The following PAX5 variants were observed in gnomAD, a reference collection of about 807,000 sequenced individuals.
PAX5 encodes paired box protein Pax-5.
PAX5 carries 9 observed loss-of-function variants against 43.7 expected under a neutral mutation model. That is an observed-to-expected ratio of 0.21 (90% CI 0.12 to 0.36). PAX5 has a LOEUF of 0.36. Ranked by LOEUF, PAX5 falls within the 10% of genes least tolerant of loss-of-function variation. PAX5 has a pLI of 1.00. For missense variants in PAX5, 383 were observed against 532.7 expected (o/e 0.72, Z 2.77); for synonymous variants, 228 against 214.3 (o/e 1.06, Z -0.56).
At chr9:36,861,691 G>A (rs949069481) in intron 8 of PAX5, among the ~76,000 whole-genome samples, 3 of 151,884 alleles carry the variant, frequency 2.0e-5, no homozygotes, top group African/African-American at 7.3e-5. Flanking sequence ...GTGTGGCTAG[G>A]ACAGCCAGGA....
At chr9:36,920,803 CTTTTTTT>C (rs58220286) in intron 7 of PAX5, among the ~76,000 whole-genome samples, 2 of 91,226 alleles carry the variant, frequency 2.2e-5, no homozygotes, top group Non-Finnish European at 2.2e-5. Flanking sequence ...ATAGACATAG[CTTTTTTT>C]TTTTTTTTTT....
At chr9:36,993,776 G>A (rs961365597) in intron 5 of PAX5, among the ~76,000 whole-genome samples, 4 of 152,136 alleles carry the variant, frequency 2.6e-5, no homozygotes, top group Non-Finnish European at 4.4e-5. Context: ...CACAGCAGAT[G>A]AGACTATATC....
intron 6 of PAX5, among the ~76,000 whole-genome samples, chr9:36,935,211 T>G (rs926282709): frequency 1.3e-5 from 2 of 152,128 alleles, no homozygotes; most frequent in Non-Finnish European, 2.9e-5. Context: ...GAGAAACCTG[T>G]GTCTACTAAA....
chr9:36,973,330 G>C (rs1835135946), intron 5 of PAX5, among the ~76,000 whole-genome samples: 1 of 152,124 alleles, frequency 6.6e-6, no homozygotes, highest in East Asian at 1.9e-4. Flanking sequence ...TGCATGCCTA[G>C]ACTTGCCTCC....
chr9:37,018,146 GTT>G (rs1440851714), intron 2 of PAX5, among the ~76,000 whole-genome samples: 1 of 152,098 alleles, frequency 6.6e-6, no homozygotes, highest in Non-Finnish European at 1.5e-5. Flanking sequence ...TTGTGGGGCT[GTT>G]TTGAAGACAG....
chr9:36,839,625 G>A lies in PAX5; in HGVS notation c.*935C>T, dbSNP rs1821887717. The A allele has an allele frequency of 1.3e-5, 3 of 233,254 alleles. No individual in the cohort carries two copies. Among genetic ancestry groups the A allele is most frequent in the Admixed American group, 5.6e-5 (1 of 17,790 alleles). 14.4% of individuals were successfully genotyped at this position (233,254 alleles called of 1,614,324 possible). ...ACCTGGGCATGCCTCAGAAAACACC[G>A]TTCCAGGGGCTGAGGGAGTAGGGAG... On this transcript the variant is annotated 3_prime_UTR_variant, in exon 10 of 10. Coordinates refer to ENST00000358127, the MANE Select transcript of PAX5 (RefSeq NM_016734.3).
intron 1 of PAX5, among the ~76,000 whole-genome samples, chr9:37,025,004 T>C (rs1372422467): frequency 1.2e-4 from 18 of 152,142 alleles, no homozygotes; most frequent in Admixed American, 2.6e-4. Flanking sequence ...AACTGGTTTG[T>C]TTTGGGCTTA....
At chr9:36,979,466 A>T (rs1564033250) in intron 5 of PAX5, among the ~76,000 whole-genome samples, 1 of 152,336 alleles carries the variant, frequency 6.6e-6, no homozygotes, top group East Asian at 1.9e-4. Flanking sequence ...ATGCCTAGAC[A>T]TCTGAAAAGG....
At chr9:36,843,503 C>T (rs1349228463) in intron 9 of PAX5, among the ~76,000 whole-genome samples, 16 of 152,254 alleles carry the variant, frequency 1.1e-4, no homozygotes, top group Admixed American at 9.2e-4. Context: ...CCTCAATTTA[C>T]ATCCGAGGCA....
intron 5 of PAX5, among the ~76,000 whole-genome samples, chr9:36,993,961 G>A (rs935010671): frequency 7.9e-5 from 12 of 152,160 alleles, no homozygotes; most frequent in African/African-American, 2.2e-4. Flanking sequence ...GAGGGGCTGG[G>A]GCAAACCAGG....
At chr9:36,942,916 C>T (rs948952327) in intron 6 of PAX5, among the ~76,000 whole-genome samples, 2 of 152,192 alleles carry the variant, frequency 1.3e-5, no homozygotes, top group Non-Finnish European at 2.9e-5. Context: ...ACTGCTGACG[C>T]TACCCTACAA....
At chr9:37,021,579 G>A (rs1027171437) in intron 1 of PAX5, among the ~76,000 whole-genome samples, 1 of 152,088 alleles carries the variant, frequency 6.6e-6, no homozygotes, top group Non-Finnish European at 1.5e-5. Flanking sequence ...TTTGGTCCAG[G>A]GAAAATAAAG....
At chr9:37,000,398 G>T (rs1348584552) in intron 5 of PAX5, among the ~76,000 whole-genome samples, 2 of 152,068 alleles carry the variant, frequency 1.3e-5, no homozygotes, top group South Asian at 2.1e-4. Context: ...TGACTGGACT[G>T]CCCCCTAAGT....
intron 8 of PAX5, among the ~76,000 whole-genome samples, chr9:36,851,866 C>T (rs1392174168): frequency 6.6e-6 from 1 of 152,194 alleles, no homozygotes; most frequent in African/African-American, 2.4e-5. Flanking sequence ...CTAGGCCATG[C>T]TCCAGGCCAC....
intron 6 of PAX5, among the ~76,000 whole-genome samples, chr9:36,929,009 G>A (rs1004315726): frequency 1.3e-5 from 2 of 152,184 alleles, no homozygotes; most frequent in Admixed American, 1.3e-4. Flanking sequence ...AGGAAACTCG[G>A]TCAAATTCAG....
rs1821938224 is a variant in PAX5, at chr9:36,840,378, G to A, written c.*182C>T. The A allele has an allele frequency of 3.0e-6, 2 of 656,668 alleles. No individual in the cohort carries two copies. The highest frequency in any genetic ancestry group is 2.7e-6 in the Non-Finnish European group (1 of 372,406). The allele number at this position is 656,668 out of a possible 1,614,324, so 40.7% of individuals were successfully genotyped here. ...TTTAGAAATAGACAAGCATCCAGAAGTCCAACGGCCCCACCAAAGGGCCCC... is the reference window on the plus strand; with the variant it reads ...TTTAGAAATAGACAAGCATCCAGAAATCCAACGGCCCCACCAAAGGGCCCC... On this transcript the variant is annotated 3_prime_UTR_variant, in exon 10 of 10. Transcript: ENST00000358127.
chr9:36,903,885 C>T (rs999255731), intron 7 of PAX5, among the ~76,000 whole-genome samples: 27 of 152,226 alleles, frequency 1.8e-4, no homozygotes, highest in Admixed American at 1.6e-3. Context: ...ACTCAGACTT[C>T]CTCTGGCACA....
At chr9:36,867,066 G>A (rs536212290) in intron 8 of PAX5, among the ~76,000 whole-genome samples, 15 of 131,492 alleles carry the variant, frequency 1.1e-4, no homozygotes, top group African/African-American at 4.0e-4. Flanking sequence ...GTGGTGGGGG[G>A]GGGGCCTTGG....
intron 1 of PAX5, among the ~76,000 whole-genome samples, chr9:37,033,752 A>ACGCCAGCGTGCC (rs1471805891): frequency 6.6e-6 from 1 of 152,230 alleles, no homozygotes; most frequent in East Asian, 1.9e-4. Context: ...CCCCGGAAGG[A>ACGCCAGCGTGCC]CGCCAGCGTG....
Sources: allele counts gnomAD v4.1 joint callset (sites outside exome capture counted in the v4.1 genomes callset), GRCh38; gene constraint gnomAD v4.1.1; transcripts MANE v1.5; gene names NCBI Gene and HGNC (gene_info 2026-07-23, HGNC 2026-07-21).